The following DOCK3 variants were observed in gnomAD, a reference collection of about 807,000 sequenced individuals.
DOCK3 encodes the protein dedicator of cytokinesis 3.
DOCK3 carries 60 observed loss-of-function variants against 265.6 expected under a neutral mutation model. The observed-to-expected ratio is 0.23, with a 90% CI of 0.18 to 0.28. The LOEUF (loss-of-function observed/expected upper bound fraction) is 0.28. Ranked by LOEUF, DOCK3 falls within the 10% of genes least tolerant of loss-of-function variation. The pLI is 1.00. For synonymous variants in DOCK3, 881 were observed against 938.0 expected, an observed-to-expected ratio of 0.94 and a Z score of 1.11; for missense variants, 1,981 against 2,594.3, an observed-to-expected ratio of 0.76 and a Z score of 5.14.
intron 5 of DOCK3, among the ~76,000 whole-genome samples, chr3:51,009,170 T>A (rs901247649): frequency 6.6e-6 from 1 of 152,214 alleles, no homozygotes; most frequent in Non-Finnish European, 1.5e-5. Context: ...TTCTATTGAT[T>A]GGAATAGTTT....
intron 9 of DOCK3, among the ~76,000 whole-genome samples, chr3:51,099,785 A>T (rs1193840013): frequency 1.3e-5 from 2 of 152,244 alleles, no homozygotes; most frequent in Non-Finnish European, 2.9e-5. Context: ...AAATTGTATC[A>T]TATTTGAAGG....
chr3:51,060,872 AC>A (rs1263255697), intron 5 of DOCK3, among the ~76,000 whole-genome samples: 1 of 152,174 alleles, frequency 6.6e-6, no homozygotes, highest in African/African-American at 2.4e-5. Context: ...CAAGAAAAAA[AC>A]AAACAACCCT....
chr3:51,213,573 G>T (rs559629495), intron 13 of DOCK3, among the ~76,000 whole-genome samples: 1 of 152,130 alleles, frequency 6.6e-6, no homozygotes, highest in East Asian at 1.9e-4. Flanking sequence ...CCACAAAAGC[G>T]CCCTCTTTTC....
At chr3:51,322,291 C>T (rs1195787486) in intron 32 of DOCK3, among the ~76,000 whole-genome samples, 1 of 152,164 alleles carries the variant, frequency 6.6e-6, no homozygotes, top group African/African-American at 2.4e-5. Flanking sequence ...CAAGTTCTGC[C>T]TCCTGGGTTC....
chr3:51,140,402 G>C (rs549761007), intron 9 of DOCK3, among the ~76,000 whole-genome samples: 1 of 152,220 alleles, frequency 6.6e-6, no homozygotes, highest in South Asian at 2.1e-4. Context: ...TTGTTTTCAA[G>C]GTTCATCAAC....
chr3:51,381,687 C>G lies in DOCK3; in HGVS notation c.*128C>G, dbSNP rs1006950678. ...GCTTGCACTCAGGAGAGAACCACCC[C>G]CAAGTCTCCGTTCTACTGCCGTGAA... On this transcript the variant is annotated 3_prime_UTR_variant, in exon 53 of 53. Transcript: ENST00000266037. This position sits in a 1 kb window ranked among gnomAD's most constrained non-coding sequence, Gnocchi z 5.6. 7.9e-5 allele frequency: 103 copies of G among 1,304,432 alleles called. 1 individual carries two copies. In the Admixed American group the frequency reaches 2.9e-3, roughly 37 times the overall value. 80.8% of individuals were successfully genotyped at this position (1,304,432 alleles called of 1,614,324 possible). A position where few individuals can be genotyped will look rare whatever the true frequency, so the allele number is the denominator to read the frequency against.
chr3:50,804,945 T>G (rs2675794), intron 2 of DOCK3, among the ~76,000 whole-genome samples: 14,347 of 152,298 alleles, frequency 0.094, 832 homozygotes, highest in Non-Finnish European at 0.12. Context: ...TTGAATCATC[T>G]GTCTTCTCTT....
chr3:51,044,141 A>C (rs960804528), intron 5 of DOCK3, among the ~76,000 whole-genome samples: 1 of 152,178 alleles, frequency 6.6e-6, no homozygotes, highest in Non-Finnish European at 1.5e-5. Flanking sequence ...TGTTCATTGT[A>C]GCACTATTCA....
intron 6 of DOCK3, among the ~76,000 whole-genome samples, chr3:51,066,672 C>T (rs1032606987): frequency 2.3e-4 from 35 of 152,072 alleles, no homozygotes; most frequent in Admixed American, 2.0e-3. Flanking sequence ...GGATGTGCTT[C>T]TGCAAAGTAG....
At chr3:50,719,021 T>C (rs2037307299) in intron 1 of DOCK3, among the ~76,000 whole-genome samples, 1 of 152,008 alleles carries the variant, frequency 6.6e-6, no homozygotes, top group Non-Finnish European at 1.5e-5. Flanking sequence ...CCTGACCTCG[T>C]GATCCGCCCA....
intron 12 of DOCK3, among the ~76,000 whole-genome samples, chr3:51,166,143 C>G (rs1321544500): frequency 1.3e-5 from 2 of 151,338 alleles, no homozygotes; most frequent in Non-Finnish European, 2.9e-5. Flanking sequence ...CTCCACTTCC[C>G]GGGTTCAAGC....
chr3:51,053,076 A>AAGATATATATAT (rs2081053752), intron 5 of DOCK3, among the ~76,000 whole-genome samples: 2 of 34,546 alleles, frequency 5.8e-5, no homozygotes, highest in Non-Finnish European at 1.1e-4. Flanking sequence ...AAAAAAGTCA[A>AAGATATATATAT]AGATATATAT....
intron 9 of DOCK3, among the ~76,000 whole-genome samples, chr3:51,116,570 C>T (rs183368768): frequency 2.5e-4 from 38 of 151,622 alleles, no homozygotes; most frequent in Middle Eastern, 3.4e-3. Context: ...GCCATTTTCA[C>T]GATATTGATT....
chr3:50,931,576 G>A (rs1173066627), intron 4 of DOCK3, among the ~76,000 whole-genome samples: 3 of 152,208 alleles, frequency 2.0e-5, no homozygotes, highest in Admixed American at 6.5e-5. Context: ...AAGTCATTAT[G>A]ACTTTCTTCT....
chr3:50,740,190 A>G (rs1274916756), intron 1 of DOCK3, among the ~76,000 whole-genome samples: 1 of 152,106 alleles, frequency 6.6e-6, no homozygotes, highest in Non-Finnish European at 1.5e-5. Flanking sequence ...TGTTACCTGT[A>G]TCAATAGTTC....
chr3:51,007,585 A>T (rs1290463584), intron 5 of DOCK3, among the ~76,000 whole-genome samples: 1 of 152,084 alleles, frequency 6.6e-6, no homozygotes, highest in Admixed American at 6.5e-5. Flanking sequence ...GTTCACTCTG[A>T]TGGTAGTTTC....
At chr3:50,937,799 T>C (rs1399941104) in intron 5 of DOCK3, among the ~76,000 whole-genome samples, 1 of 151,944 alleles carries the variant, frequency 6.6e-6, no homozygotes, top group African/African-American at 2.4e-5. Context: ...ACACTAAAAA[T>C]GTTAAAGTAA....
chr3:51,237,440 G>A (rs2078395383), intron 20 of DOCK3, 50 bp from the exon 21 acceptor site: 2 of 1,497,688 alleles, frequency 1.3e-6, no homozygotes, highest in Non-Finnish European at 1.8e-6. Flanking sequence ...GCTGGGGATA[G>A]ATCTGAGGCC....
intron 2 of DOCK3, among the ~76,000 whole-genome samples, chr3:50,802,389 G>A (rs2043119551): frequency 6.6e-6 from 1 of 152,046 alleles, no homozygotes; most frequent in South Asian, 2.1e-4. Context: ...TTTATCGATG[G>A]TGGTTATCAT....
Sources: gnomAD v4.1 joint callset for allele counts (sites outside exome capture counted in the v4.1 genomes callset) on GRCh38, gnomAD v4.1.1 for gene constraint, Gnocchi (gnomAD v3.1) non-coding constraint, MANE v1.5 for transcripts, NCBI Gene and HGNC (gene_info 2026-07-23, HGNC 2026-07-21) for gene names.